ATP2B1: variants seen among roughly 807,000 people sequenced by gnomAD.
The protein encoded by ATP2B1 is ATPase plasma membrane Ca2+ transporting 1.
A neutral mutation model predicts 124.2 loss-of-function variants in ATP2B1; 14 were observed. That is an observed-to-expected ratio of 0.11 (90% CI 0.07 to 0.18). ATP2B1 has a LOEUF of 0.18. Ranked by LOEUF, ATP2B1 falls within the 10% of genes least tolerant of loss-of-function variation. The probability of loss-of-function intolerance (pLI) is 1.00; values close to 1 mark genes in which losing one functional copy is unlikely to be tolerated. For missense variants in ATP2B1, 763 were observed against 1,466.1 expected (o/e 0.52, Z 7.83); for synonymous variants, 449 against 492.4 (o/e 0.91, Z 1.17).
intron 3 of ATP2B1, among the ~76,000 whole-genome samples, chr12:89,636,004 G>A (rs747051709): frequency 2.0e-5 from 3 of 152,050 alleles, no homozygotes; most frequent in Non-Finnish European, 4.4e-5. Flanking sequence ...TTCACATATC[G>A]ACAAGTGCCA....
chr12:89,688,712 T>C (rs184471210), intron 1 of ATP2B1, among the ~76,000 whole-genome samples: 1 of 152,206 alleles, frequency 6.6e-6, no homozygotes, highest in African/African-American at 2.4e-5. Context: ...GAGTCAGATC[T>C]GGGCTTTGAT....
Position 89,626,288 on chromosome 12 carries a change from T to TAGTA in ATP2B1, c.1129+162_1129+165dup, listed in dbSNP as rs569331601. ...CTTATTAGCAAATTATAAGTACCTA[T>TAGTA]AGTAACTCAAAGGGCCTGGTGCATT... On this transcript the variant is annotated intron_variant, in intron 8 of 20. Transcript: ENST00000428670. 1.7e-3 allele frequency among the ~76,000 whole-genome samples: 253 copies of TAGTA among 152,278 alleles called. 1 individual carries two copies. Among genetic ancestry groups the TAGTA allele is most frequent in the African/African-American group, 5.8e-3 (241 of 41,558 alleles).
chr12:89,620,054 A>T lies in ATP2B1; in HGVS notation c.1774T>A (p.Ser592Thr), dbSNP rs1206263912. 2.5e-6 allele frequency: 4 copies of T among 1,613,954 alleles called. No individual in the cohort carries two copies. The Admixed American group carries it at 5.0e-5, about 20-fold the overall frequency. Reference protein sequence around the residue: ...RKSMSTVLKNSDGSYRIFSKG... With the variant: ...RKSMSTVLKNTDGSYRIFSKG... ...CTGAATATTCGATAACTTCCATCTGAATTTTTCAGGACAGTACTCATGGAC... is the reference window on the plus strand; with the variant it reads ...CTGAATATTCGATAACTTCCATCTGTATTTTTCAGGACAGTACTCATGGAC... Residue 592 changes from serine to threonine, a missense_variant, in exon 11 of 21, where the codon TCA (serine) becomes ACA (threonine). Around this residue, in one of 7 missense-constraint regions of ATP2B1, gnomAD observed 392 missense variants for 776.6 expected, o/e 0.50. Transcript: ENST00000428670.
upstream of ATP2B1, chr12:89,708,986 C>T (rs1892885937): frequency 6.6e-6 from 1 of 151,342 alleles, no homozygotes; most frequent in African/African-American, 2.4e-5. Flanking sequence ...GCCGCGCTCG[C>T]TCGGCACGGG....
At chr12:89,617,136 A>G (rs1879091884) in intron 11 of ATP2B1, 97 bp from the exon 12 acceptor site, 5 of 866,664 alleles carry the variant, frequency 5.8e-6, no homozygotes, top group South Asian at 4.8e-5. Flanking sequence ...ATGGGATCTG[A>G]TATCTGGAAT....
intron 1 of ATP2B1, among the ~76,000 whole-genome samples, chr12:89,680,268 A>G (rs1889170165): frequency 1.3e-5 from 2 of 152,188 alleles, no homozygotes; most frequent in South Asian, 4.1e-4. Flanking sequence ...CTGTAAAGCA[A>G]TACTTCAAAT....
intron 9 of ATP2B1, among the ~76,000 whole-genome samples, chr12:89,622,227 C>A (rs534565086): frequency 4.1e-4 from 62 of 151,846 alleles, no homozygotes; most frequent in Non-Finnish European, 7.1e-4. Flanking sequence ...ACAAAAGATT[C>A]TTACATCAGT....
intron 2 of ATP2B1, among the ~76,000 whole-genome samples, chr12:89,647,856 C>T (rs1884707007): frequency 6.6e-6 from 1 of 152,072 alleles, no homozygotes; most frequent in Admixed American, 6.6e-5. Context: ...GTAGTTCATG[C>T]CAGATCTGGT....
chr12:89,663,426 G>A (rs2136440542), intron 1 of ATP2B1, among the ~76,000 whole-genome samples: 1 of 152,244 alleles, frequency 6.6e-6, no homozygotes. Context: ...ATTTCATACA[G>A]CCTGAAAGAA....
intron 12 of ATP2B1, among the ~76,000 whole-genome samples, chr12:89,614,743 C>G: frequency 6.6e-6 from 1 of 152,204 alleles, no homozygotes; most frequent in East Asian, 1.9e-4. Context: ...ATTTGGATGT[C>G]TCAGACACCT....
Position 89,610,675 on chromosome 12 carries a change from T to TC in ATP2B1, c.2248-168dup, listed in dbSNP as rs1236127865. The TC allele has an allele frequency of 5.0e-5, 30 of 602,946 alleles. No homozygotes were observed. In the South Asian group the frequency reaches 6.2e-4, roughly 12 times the overall value. 37.3% of individuals were successfully genotyped at this position (602,946 alleles called of 1,614,324 possible). A position where few individuals can be genotyped will look rare whatever the true frequency, so the allele number is the denominator to read the frequency against. Reference sequence around the variant, plus strand: ...ATTCTTGGGCATGGACCCAGATCTATCTTAGCGAATACTGTGGGGCAGGCC... The same window carrying TC: ...ATTCTTGGGCATGGACCCAGATCTATCCTTAGCGAATACTGTGGGGCAGGCC... On this transcript the variant is annotated intron_variant, in intron 13 of 20. Coordinates refer to ENST00000428670, the MANE Select transcript of ATP2B1 (RefSeq NM_001366521.1).
chr12:89,648,209 TAGA>T (rs1225839466), intron 2 of ATP2B1, among the ~76,000 whole-genome samples: 5 of 152,174 alleles, frequency 3.3e-5, no homozygotes, highest in African/African-American at 7.2e-5. Flanking sequence ...TTGGAGGGCT[TAGA>T]AGAAGACAGG....
At chr12:89,593,565 C>CACA (rs984991233) in intron 20 of ATP2B1, 4 of 152,094 alleles carry the variant, frequency 2.6e-5, no homozygotes, top group African/African-American at 9.6e-5. Flanking sequence ...ACTTTTTAAA[C>CACA]ATGTTAAATT....
At chr12:89,641,930 T>C (rs183237973) in intron 3 of ATP2B1, 1 of 515,086 alleles carries the variant, frequency 1.9e-6, no homozygotes, top group African/African-American at 1.9e-5. Flanking sequence ...TAAGCATATA[T>C]GGATAGGTTA....
chr12:89,625,208 G>C (rs1199407426), intron 8 of ATP2B1, among the ~76,000 whole-genome samples: 1 of 152,022 alleles, frequency 6.6e-6, no homozygotes. Context: ...AGAGGTTGCA[G>C]TGAGCCGAGA....
intron 20 of ATP2B1, 43 bp downstream of exon 20, chr12:89,599,074 C>A: frequency 6.3e-7 from 1 of 1,589,862 alleles, no homozygotes; most frequent in Non-Finnish European, 8.6e-7. Flanking sequence ...GTCAAAAAGC[C>A]CTGGCTCCCA....
intron 2 of ATP2B1, among the ~76,000 whole-genome samples, chr12:89,646,522 G>A (rs1292946700): frequency 6.6e-6 from 1 of 152,166 alleles, no homozygotes; most frequent in Non-Finnish European, 1.5e-5. Context: ...ACATGTTCAG[G>A]TAGTACCACA....
rs547889389 is a variant in ATP2B1 at position 89,620,303 on chromosome 12, G to A, written c.1588-63C>T. 4.4e-5 allele frequency: 68 copies of A among 1,544,382 alleles called. No homozygotes were observed. In the South Asian group the frequency reaches 7.5e-4, roughly 17 times the overall value. On this transcript the variant is annotated intron_variant, in intron 10 of 20. Transcript: ENST00000428670. The stretch of plus-strand genomic sequence containing the variant: ...TCTCTAAGAACGTTTAATTTATAAT[G>A]TAAAACAGACTGCGATATTCTAAAA...
chr12:89,661,480 C>T (rs887555153), intron 1 of ATP2B1, among the ~76,000 whole-genome samples: 4 of 152,058 alleles, frequency 2.6e-5, no homozygotes, highest in Non-Finnish European at 5.9e-5. Flanking sequence ...GATAAAGATA[C>T]TTATAAAATA....
Sources: allele counts gnomAD v4.1 joint callset (sites outside exome capture counted in the v4.1 genomes callset), GRCh38; gene constraint gnomAD v4.1.1; regional missense constraint gnomAD v4.1.1; transcripts MANE v1.5; gene names NCBI Gene and HGNC (gene_info 2026-07-23, HGNC 2026-07-21).